The following VWC2 variants were observed in gnomAD, a reference collection of about 807,000 sequenced individuals.
VWC2 encodes the protein von Willebrand factor C domain containing 2.
Under a neutral mutation model 29.8 loss-of-function variants are expected in VWC2, and 14 were observed. That is an observed-to-expected ratio of 0.47 (90% CI 0.31 to 0.74). VWC2 has a LOEUF of 0.74. Ranked by LOEUF, VWC2 falls within the 30% of genes least tolerant of loss-of-function variation. VWC2 has a pLI of 0.05. For synonymous variants in VWC2, 213 were observed against 199.0 expected (o/e 1.07, Z -0.59); for missense variants, 457 against 459.8 (o/e 0.99, Z 0.05).
chr7:49,873,269 A>G (rs1791250136), intron 3 of VWC2, among the ~76,000 whole-genome samples: 1 of 152,208 alleles, frequency 6.6e-6, no homozygotes, highest in Non-Finnish European at 1.5e-5. Flanking sequence ...GTCCAATATC[A>G]AGAGGCCTGC....
intron 2 of VWC2, among the ~76,000 whole-genome samples, chr7:49,801,884 C>T (rs369460864): frequency 6.6e-6 from 1 of 152,222 alleles, no homozygotes; most frequent in South Asian, 2.1e-4. Context: ...ATAGAGCTCC[C>T]GGCCCTTGGC....
chr7:49,800,355 C>T (rs1197119851), intron 2 of VWC2, among the ~76,000 whole-genome samples: 1 of 152,160 alleles, frequency 6.6e-6, no homozygotes, highest in Non-Finnish European at 1.5e-5. Flanking sequence ...CAGGGCCCTC[C>T]CCGGCGATAT....
intron 3 of VWC2, among the ~76,000 whole-genome samples, chr7:49,883,460 C>T (rs960317480): frequency 1.3e-5 from 2 of 152,056 alleles, no homozygotes; most frequent in African/African-American, 4.8e-5. Context: ...AATGATATAT[C>T]CATGGCATTA....
chr7:49,846,195 C>A (rs1057253293), intron 3 of VWC2, among the ~76,000 whole-genome samples: 1 of 152,214 alleles, frequency 6.6e-6, no homozygotes, highest in African/African-American at 2.4e-5. Flanking sequence ...TTTCCAATAC[C>A]TTTCCATCAC....
chr7:49,871,515 G>A (rs1244516869), intron 3 of VWC2, among the ~76,000 whole-genome samples: 1 of 151,984 alleles, frequency 6.6e-6, no homozygotes, highest in Non-Finnish European at 1.5e-5. Context: ...GGCTTGGTGG[G>A]GTTTCCATTA....
chr7:49,806,710 A>G (rs563953304), intron 3 of VWC2, among the ~76,000 whole-genome samples: 55 of 151,898 alleles, frequency 3.6e-4, no homozygotes, highest in Non-Finnish European at 6.2e-4. Flanking sequence ...GGGTTAGACA[A>G]AACGGAATGG....
At chr7:49,821,672 A>G (rs546978400) in intron 3 of VWC2, among the ~76,000 whole-genome samples, 58 of 152,310 alleles carry the variant, frequency 3.8e-4, no homozygotes, top group African/African-American at 1.3e-3. Context: ...ATGAAAAAAA[A>G]AAAAGCTTTT....
chr7:49,836,484 A>AC (rs1789662655), intron 3 of VWC2, among the ~76,000 whole-genome samples: 1 of 145,208 alleles, frequency 6.9e-6, no homozygotes, highest in Non-Finnish European at 1.5e-5. Context: ...AAAAAAAACT[A>AC]TGAAAATTAG....
Position 49,914,723 on chromosome 7 carries a change from T to C in VWC2, c.*2538T>C, listed in dbSNP as rs181045098. 2 of 152,328 alleles carry C rather than the reference T, an allele frequency of 1.3e-5. No homozygotes were observed. Among genetic ancestry groups the C allele is most frequent in the Admixed American group, 1.3e-4 (2 of 15,294 alleles). 9.4% of individuals were successfully genotyped at this position (152,328 alleles called of 1,614,324 possible). A position where few individuals can be genotyped will look rare whatever the true frequency, so the allele number is the denominator to read the frequency against. ...CCTCCCCTCTGTTGTCAGAGAACTC[T>C]TTGCTGAGATTGTCAACAACAAACT... On this transcript the variant is annotated 3_prime_UTR_variant, in exon 4 of 4. Transcript: ENST00000340652.
At position 49,876,441 on chromosome 7, in the gene VWC2, G is replaced by A. The variant is rs183447821; in HGVS notation, c.827-35593G>A. ...GGGAAAACAGCACCTGTCTCCTAGA[G>A]TTTTGAAAATAATTAACTGTATGTA... On this transcript the variant is annotated intron_variant, in intron 3 of 3. Coordinates refer to ENST00000340652, the MANE Select transcript of VWC2 (RefSeq NM_198570.5). 2.6e-3 allele frequency among the ~76,000 whole-genome samples: 392 copies of A among 152,200 alleles called. 3 individuals are homozygous for A. The highest frequency in any genetic ancestry group is 9.1e-3 in the African/African-American group (378 of 41,552).
At chr7:49,872,915 C>CAAAAAAAAAAAAAAA (rs61473396) in intron 3 of VWC2, among the ~76,000 whole-genome samples, 24 of 33,922 alleles carry the variant, frequency 7.1e-4, no homozygotes, top group African/African-American at 9.2e-4. Flanking sequence ...GACTTTGTCT[C>CAAAAAAAAAAAAAAA]AAAAAAAAAA....
intron 3 of VWC2, among the ~76,000 whole-genome samples, chr7:49,905,742 T>G (rs1341722983): frequency 6.6e-6 from 1 of 151,928 alleles, no homozygotes; most frequent in Non-Finnish European, 1.5e-5. Flanking sequence ...GTTAAGGCAT[T>G]CTAAGTCACG....
rs1458077901 is a variant in VWC2 at position 49,775,393 on chromosome 7, G to A, written c.-43G>A. ...GGGCTGTGAATGCGACTCGCCCCTCGGCCGCGCTCCCCGCCCGCCCGCCCG... is the reference window on the plus strand; with the variant it reads ...GGGCTGTGAATGCGACTCGCCCCTCAGCCGCGCTCCCCGCCCGCCCGCCCG... On this transcript the variant is annotated 5_prime_UTR_variant, in exon 2 of 4. Transcript: ENST00000340652. The A allele has an allele frequency of 7.5e-7, 1 of 1,330,086 alleles. No individual in the cohort carries two copies. Among genetic ancestry groups the A allele is most frequent in the African/African-American group, 1.5e-5 (1 of 64,662 alleles). 82.4% of individuals were successfully genotyped at this position (1,330,086 alleles called of 1,614,324 possible).
chr7:49,881,760 ATC>A (rs1006260089), intron 3 of VWC2, among the ~76,000 whole-genome samples: 4 of 152,144 alleles, frequency 2.6e-5, no homozygotes, highest in African/African-American at 9.6e-5. Context: ...TCTTTAATTC[ATC>A]TCTTTTAAAA....
intron 3 of VWC2, among the ~76,000 whole-genome samples, chr7:49,857,865 T>G (rs1490866807): frequency 6.6e-6 from 1 of 152,190 alleles, no homozygotes; most frequent in Non-Finnish European, 1.5e-5. Context: ...TTTTCAATCC[T>G]GGGTCTGAAA....
intron 3 of VWC2, among the ~76,000 whole-genome samples, chr7:49,841,015 G>A (rs1789781329): frequency 6.6e-6 from 1 of 152,188 alleles, no homozygotes; most frequent in African/African-American, 2.4e-5. Flanking sequence ...TTCAAGATTG[G>A]ATGCCACTGC....
At chr7:49,845,899 T>C (rs1789932360) in intron 3 of VWC2, among the ~76,000 whole-genome samples, 1 of 152,216 alleles carries the variant, frequency 6.6e-6, no homozygotes, top group Non-Finnish European at 1.5e-5. Flanking sequence ...ACGTTTCTCA[T>C]CTTACATATT....
chr7:49,839,311 C>G (rs976106773), intron 3 of VWC2, among the ~76,000 whole-genome samples: 2 of 152,188 alleles, frequency 1.3e-5, no homozygotes, highest in African/African-American at 4.8e-5. Context: ...CCCCTGAGGT[C>G]TAATTGATAC....
At chr7:49,884,465 G>C (rs542370320) in intron 3 of VWC2, among the ~76,000 whole-genome samples, 27 of 152,264 alleles carry the variant, frequency 1.8e-4, no homozygotes, top group Admixed American at 1.6e-3. Flanking sequence ...GCAATTCGGG[G>C]TGGGGTAAGA....
Sources: allele counts gnomAD v4.1 joint callset (sites outside exome capture counted in the v4.1 genomes callset), GRCh38; gene constraint gnomAD v4.1.1; transcripts MANE v1.5; gene names NCBI Gene and HGNC (gene_info 2026-07-23, HGNC 2026-07-21).